NDST4: variants seen among roughly 807,000 people sequenced by gnomAD.
NDST4 encodes N-heparan sulfate sulfotransferase 4.
NDST4 carries 63 observed loss-of-function variants against 100.8 expected under a neutral mutation model. That is an observed-to-expected ratio of 0.62 (90% CI 0.51 to 0.77). The LOEUF is 0.77. Among genes scored for constraint, NDST4 ranks in the 30% least tolerant of loss-of-function variants. The pLI, the probability that NDST4 is intolerant of heterozygous loss-of-function variation, is 0.00. For missense variants in NDST4, 943 were observed against 1,018.4 expected (o/e 0.93, Z 1.01); for synonymous variants, 377 against 361.8 (o/e 1.04, Z -0.48).
At chr4:114,894,559 G>C (rs1207921876) in intron 6 of NDST4, among the ~76,000 whole-genome samples, 1 of 152,052 alleles carries the variant, frequency 6.6e-6, no homozygotes, top group Admixed American at 6.6e-5. Context: ...TTGCTGTAAA[G>C]GAATGCTTGT....
intron 13 of NDST4, 45 bp downstream of exon 13, chr4:114,829,745 G>A: frequency 7.0e-7 from 1 of 1,433,206 alleles, no homozygotes. Context: ...ATAGCTGTTT[G>A]CAAATATTTT....
chr4:114,828,364 A>G (rs977358971), intron 13 of NDST4, among the ~76,000 whole-genome samples: 13 of 152,308 alleles, frequency 8.5e-5, no homozygotes, highest in African/African-American at 2.9e-4. Context: ...CATAATCATA[A>G]AAACTAAAAT....
chr4:115,070,045 A>G (rs1205579746), intron 2 of NDST4, among the ~76,000 whole-genome samples: 1 of 152,180 alleles, frequency 6.6e-6, no homozygotes, highest in Non-Finnish European at 1.5e-5. Flanking sequence ...CAGAACTACC[A>G]TTCGACCCAG....
At chr4:115,006,043 A>G (rs1467511031) in intron 2 of NDST4, among the ~76,000 whole-genome samples, 1 of 151,280 alleles carries the variant, frequency 6.6e-6, no homozygotes, top group Non-Finnish European at 1.5e-5. Flanking sequence ...AAAAAAAAAA[A>G]AAAAAAGAAG....
chr4:114,834,513 C>CAA (rs869097688), intron 11 of NDST4, among the ~76,000 whole-genome samples: 43 of 63,546 alleles, frequency 6.8e-4, no homozygotes, highest in South Asian at 2.2e-3. Flanking sequence ...GACTCCATCT[C>CAA]AAAAAAAAAA....
At chr4:114,876,843 T>C (rs1038943686) in intron 6 of NDST4, among the ~76,000 whole-genome samples, 1 of 152,196 alleles carries the variant, frequency 6.6e-6, no homozygotes, top group African/African-American at 2.4e-5. Context: ...TTAATTTACT[T>C]ATATAACTTT....
At position 114,901,217 on chromosome 4, in the gene NDST4, G is replaced by A. The variant is rs567646050; in HGVS notation, c.1537-30267C>T. Among the ~76,000 whole-genome samples, 9 of 152,020 alleles carry A rather than the reference G, an allele frequency of 5.9e-5. No homozygotes were observed. The East Asian group carries it at 1.7e-3, about 29-fold the overall frequency. On this transcript the variant is annotated intron_variant, in intron 6 of 13. Coordinates refer to ENST00000264363, the MANE Select transcript of NDST4 (RefSeq NM_022569.3). ...TGTCTTTACTGCTTTTCTCCCTGAT[G>A]AATCTGTCCATTTCTGATAGTTGGG...
chr4:114,864,582 C>T (rs758554205), intron 7 of NDST4, among the ~76,000 whole-genome samples: 23 of 152,146 alleles, frequency 1.5e-4, no homozygotes, highest in Non-Finnish European at 1.9e-4. Flanking sequence ...ATTCTCAGTG[C>T]TCCAATCAAC....
At chr4:114,977,339 T>C in intron 2 of NDST4, 65 bp from the exon 3 acceptor site, 1 of 1,096,670 alleles carries the variant, frequency 9.1e-7, no homozygotes, top group Non-Finnish European at 1.4e-6. Flanking sequence ...GATGCCTCTT[T>C]TGCAAATGTG....
At chr4:115,026,735 G>T (rs1578465589) in intron 2 of NDST4, among the ~76,000 whole-genome samples, 1 of 152,080 alleles carries the variant, frequency 6.6e-6, no homozygotes, top group South Asian at 2.1e-4. Flanking sequence ...GCCTCAGAGA[G>T]ATAGGCAGGC....
rs368114585 is a variant in NDST4, at chr4:115,076,909, A to G, written c.128T>C (p.Leu43Pro). 1 of 1,613,794 alleles carries G rather than the reference A, an allele frequency of 6.2e-7. No homozygotes were observed. Among genetic ancestry groups the G allele is most frequent in the Admixed American group, 1.7e-5 (1 of 59,970 alleles). Residue 43 changes from leucine to proline, a missense_variant, in exon 2 of 14, where the codon CTT (leucine) becomes CCT (proline). Physicochemically the swap from Leu to Pro is moderately conservative, Grantham distance 98. Transcript: ENST00000264363. ...LYSGYKQEMT[L>P]IETTAEAECT... ...TTCTGCTTCTGCAGTGGTTTCAATAAGTGTCATTTCCTGTTTGTAGCCAGA... is the reference window on the plus strand; with the variant it reads ...TTCTGCTTCTGCAGTGGTTTCAATAGGTGTCATTTCCTGTTTGTAGCCAGA...
intron 1 of NDST4, among the ~76,000 whole-genome samples, chr4:115,103,271 A>T (rs1360840281): frequency 2.0e-5 from 3 of 152,120 alleles, no homozygotes; most frequent in Non-Finnish European, 4.4e-5. Flanking sequence ...TAATTATCAA[A>T]ATTATTATTC....
chr4:114,984,142 CTATTTATTTATT>C (rs148008819), intron 2 of NDST4, among the ~76,000 whole-genome samples: 61,302 of 145,750 alleles, frequency 0.42, 14,645 homozygotes, highest in Non-Finnish European at 0.56. Flanking sequence ...CAAACTAATA[CTATTTATTTATT>C]TATTTATTTA....
Position 115,108,433 on chromosome 4 carries a change from C to T in NDST4, c.-247+5011G>A, listed in dbSNP as rs114461247. On this transcript the variant is annotated intron_variant, in intron 1 of 13. Coordinates refer to ENST00000264363, the MANE Select transcript of NDST4 (RefSeq NM_022569.3). ...ATCTAAATGTGTGAAATCACTTTCC[C>T]TTCTCTCTTTTTCTTCCACTAGCAT... Among the ~76,000 whole-genome samples the T allele has an allele frequency of 9.0e-3, 1,368 of 151,976 alleles. 11 individuals are homozygous for T. The highest frequency in any genetic ancestry group is 0.017 in the Admixed American group (264 of 15,232).
intron 2 of NDST4, among the ~76,000 whole-genome samples, chr4:115,067,386 CTTAT>C (rs974532080): frequency 1.3e-5 from 2 of 152,126 alleles, no homozygotes; most frequent in African/African-American, 4.8e-5. Context: ...ATACAACAAA[CTTAT>C]TTATTATCAT....
intron 6 of NDST4, among the ~76,000 whole-genome samples, chr4:114,893,772 T>G (rs1724651651): frequency 6.6e-6 from 1 of 152,212 alleles, no homozygotes; most frequent in African/African-American, 2.4e-5. Context: ...ATTTTGGCTT[T>G]TGTTGCATTT....
intron 2 of NDST4, among the ~76,000 whole-genome samples, chr4:114,982,853 T>C (rs1028972588): frequency 6.6e-6 from 1 of 152,132 alleles, no homozygotes; most frequent in African/African-American, 2.4e-5. Context: ...GTCAAATTCA[T>C]GGCCCAGCTT....
chr4:114,871,326 G>A (rs1201509519), intron 6 of NDST4, among the ~76,000 whole-genome samples: 1 of 150,878 alleles, frequency 6.6e-6, no homozygotes, highest in Non-Finnish European at 1.5e-5. Context: ...GTGTAGATAT[G>A]TGTACAGGTT....
chr4:115,036,859 A>G (rs1728243878), intron 2 of NDST4, among the ~76,000 whole-genome samples: 1 of 152,082 alleles, frequency 6.6e-6, no homozygotes, highest in South Asian at 2.1e-4. Flanking sequence ...ATTATATAAT[A>G]TCCTTCAAAC....
Sources: allele counts gnomAD v4.1 joint callset (sites outside exome capture counted in the v4.1 genomes callset), GRCh38; gene constraint gnomAD v4.1.1; transcripts MANE v1.5; gene names NCBI Gene and HGNC (gene_info 2026-07-23, HGNC 2026-07-21).